TMCC2: variants seen among roughly 807,000 people sequenced by gnomAD.
The protein encoded by TMCC2 is transmembrane and coiled-coil domains protein 2.
A neutral mutation model predicts 49.4 loss-of-function variants in TMCC2; 16 were observed. The observed-to-expected ratio is 0.32, with a 90% CI of 0.22 to 0.49. The LOEUF (loss-of-function observed/expected upper bound fraction) is 0.49, where lower values mean the gene tolerates loss of function less well. TMCC2 is among the 20% of genes least tolerant of loss of function. The probability of loss-of-function intolerance (pLI) is 0.99; values close to 1 mark genes in which losing one functional copy is unlikely to be tolerated. For missense variants in TMCC2, 762 were observed against 989.8 expected (o/e 0.77, Z 3.09); for synonymous variants, 397 against 434.1 (o/e 0.91, Z 1.06).
intron 1 of TMCC2, among the ~76,000 whole-genome samples, chr1:205,240,196 T>C (rs186531771): frequency 3.3e-5 from 5 of 152,346 alleles, no homozygotes; most frequent in Admixed American, 1.3e-4. Context: ...AAAGCTCTCA[T>C]AGAGGGCTCA....
intron 1 of TMCC2, chr1:205,229,033 T>C (rs1485526836): frequency 1.7e-5 from 23 of 1,335,728 alleles, no homozygotes; most frequent in Non-Finnish European, 1.9e-5. Context: ...ATTGTTTGAA[T>C]AATGTGTGAA....
At position 205,271,101 on chromosome 1, in the gene TMCC2, C is replaced by T; in HGVS notation, c.1683-19C>T. On this transcript the variant is annotated intron_variant, in intron 3 of 4. Coordinates refer to ENST00000358024, the MANE Select transcript of TMCC2 (RefSeq NM_014858.4). The stretch of plus-strand genomic sequence containing the variant: ...GCTCGGGGAGCCAGGACTGGTGTCA[C>T]TCTCTCTCCCTCCGCCAGGTACGAG... 1 of 1,611,440 alleles carries T rather than the reference C, an allele frequency of 6.2e-7. No individual in the cohort carries two copies. The highest frequency in any genetic ancestry group is 8.5e-7 in the Non-Finnish European group (1 of 1,179,596).
chr1:205,256,217 CAT>C, intron 2 of TMCC2: 2 of 1,489,206 alleles, frequency 1.3e-6, no homozygotes, highest in Non-Finnish European at 1.8e-6. Context: ...GTGCAGAATC[CAT>C]GTCTTTCTGA....
chr1:205,242,823 C>A lies in TMCC2; in HGVS notation c.747+779C>A, dbSNP rs533083009. ...AGACCTGTTTGAGGAAACCATTGAG[C>A]TGAATCTTGAATAATTTAGCCAGGG... On this transcript the variant is annotated intron_variant, in intron 2 of 4. Transcript: ENST00000358024. Among the ~76,000 whole-genome samples, 65 of 152,078 alleles carry A rather than the reference C, an allele frequency of 4.3e-4. 1 individual carries two copies. Among genetic ancestry groups the A allele is most frequent in the Admixed American group, 5.9e-4 (9 of 15,276 alleles).
chr1:205,248,161 C>T (rs2102559975), intron 2 of TMCC2, among the ~76,000 whole-genome samples: 1 of 152,290 alleles, frequency 6.6e-6, no homozygotes, highest in South Asian at 2.1e-4. Context: ...AATCCTAGCA[C>T]TTTGGGAGGC....
chr1:205,249,850 TG>T (rs1660598084), intron 2 of TMCC2, among the ~76,000 whole-genome samples: 1 of 152,268 alleles, frequency 6.6e-6, no homozygotes, highest in Non-Finnish European at 1.5e-5. Context: ...GTGCCTGTGC[TG>T]CCAGTGGCTC....
intron 1 of TMCC2, among the ~76,000 whole-genome samples, chr1:205,240,207 A>G (rs1479419488): frequency 6.6e-6 from 1 of 152,216 alleles, no homozygotes; most frequent in Non-Finnish European, 1.5e-5. Context: ...AGAGGGCTCA[A>G]CCTGGCCGGA....
In TMCC2 at chr1:205,271,819, G is replaced by C. The variant is rs150581410; in HGVS notation, c.1825G>C (p.Val609Leu). The change falls in exon 5 of 5, where the codon GTG becomes CTG. Residue 609 changes from valine (V) to leucine (L), a missense_variant. Physicochemically the swap from Val to Leu is conservative, Grantham distance 32. Around this residue, in one of 2 missense-constraint regions of TMCC2, gnomAD observed 440 missense variants for 636.7 expected, o/e 0.69. Transcript: ENST00000358024. ...YERARDIQEA[V>L]ESCLTRVTKL... ...AGCCCCTCTGCCCCTGCAGGAGGCC[G>C]TGGAGTCCTGCCTGACCCGGGTCAC... 71 of 1,609,950 alleles carry C rather than the reference G, an allele frequency of 4.4e-5. No individual in the cohort carries two copies. Among genetic ancestry groups the C allele is most frequent in the Non-Finnish European group, 5.8e-5 (69 of 1,179,570 alleles).
chr1:205,231,990 G>A (rs907948615), intron 1 of TMCC2, among the ~76,000 whole-genome samples: 1 of 152,170 alleles, frequency 6.6e-6, no homozygotes, highest in Non-Finnish European at 1.5e-5. Context: ...CTCCGTAGAG[G>A]TTGGGGCGGT....
intron 2 of TMCC2, among the ~76,000 whole-genome samples, chr1:205,263,706 CA>C (rs1661209580): frequency 6.6e-6 from 1 of 151,810 alleles, no homozygotes; most frequent in African/African-American, 2.4e-5. Flanking sequence ...TCTGACTCAA[CA>C]AAAAACAAAA....
intron 2 of TMCC2, among the ~76,000 whole-genome samples, chr1:205,251,966 G>A (rs370961755): frequency 1.3e-5 from 2 of 152,190 alleles, no homozygotes; most frequent in East Asian, 3.8e-4. Context: ...GGCAAATAGG[G>A]TGGGGTAGAG....
rs1241476015 is a variant in TMCC2 at position 205,229,545 on chromosome 1, C to CGGGG, written c.207+784_207+787dup. 114 of 298,716 alleles carry CGGGG rather than the reference C, an allele frequency of 3.8e-4. No individual in the cohort carries two copies. The African/African-American group carries it at 5.3e-3, about 14-fold the overall frequency. The allele number at this position is 298,716 out of a possible 1,614,324, so 18.5% of individuals were successfully genotyped here. On this transcript the variant is annotated intron_variant, in intron 1 of 4. Transcript: ENST00000358024. Reference sequence around the variant, plus strand: ...CTCAGTTTGCCGATCTGTGAAGGGGCGGGGGGGGGGGGGTGGTGGCGGGGG... The same window carrying CGGGG: ...CTCAGTTTGCCGATCTGTGAAGGGGCGGGGGGGGGGGGGGGGGTGGTGGCGGGGG...
rs993316258 is a variant in TMCC2 at position 205,228,403 on chromosome 1, C to A, written c.-162C>A. ...CCCCTTCTCGCCCCTCCCTCACCCG[C>A]CTTTAAGAATTTTTTTTTTAATTCA... On this transcript the variant is annotated 5_prime_UTR_variant, in exon 1 of 5. Coordinates refer to ENST00000358024, the MANE Select transcript of TMCC2 (RefSeq NM_014858.4). 10 of 600,640 alleles carry A rather than the reference C, an allele frequency of 1.7e-5. No individual in the cohort carries two copies. The highest frequency in any genetic ancestry group is 2.8e-5 in the Non-Finnish European group (10 of 351,634). 37.2% of individuals were successfully genotyped at this position (600,640 alleles called of 1,614,324 possible). A position where few individuals can be genotyped will look rare whatever the true frequency, so the allele number is the denominator to read the frequency against.
intron 2 of TMCC2, among the ~76,000 whole-genome samples, chr1:205,258,603 C>A (rs1352493630): frequency 6.6e-6 from 1 of 152,172 alleles, no homozygotes; most frequent in African/African-American, 2.4e-5. Context: ...ATATCCTCAC[C>A]AGGAAGGCAG....
At chr1:205,256,454 G>A (rs771816529) in intron 2 of TMCC2, 5 of 1,545,016 alleles carry the variant, frequency 3.2e-6, no homozygotes, top group Non-Finnish European at 3.5e-6. Context: ...GGGTGTTTTT[G>A]CCAGGGCAAT....
At chr1:205,257,719 A>G (rs928655257) in intron 2 of TMCC2, among the ~76,000 whole-genome samples, 4 of 152,182 alleles carry the variant, frequency 2.6e-5, no homozygotes, top group Non-Finnish European at 4.4e-5. Flanking sequence ...GTCTGTGAAG[A>G]AACAGTGACA....
chr1:205,265,584 C>T (rs1333596510), intron 2 of TMCC2, among the ~76,000 whole-genome samples: 1 of 144,874 alleles, frequency 6.9e-6, no homozygotes, highest in Admixed American at 7.0e-5. Context: ...TTTTTTGAGA[C>T]GGAGTCTCGC....
chr1:205,266,269 A>C (rs1661326521), intron 2 of TMCC2, among the ~76,000 whole-genome samples: 1 of 146,320 alleles, frequency 6.8e-6, no homozygotes, highest in African/African-American at 2.5e-5. Flanking sequence ...AAAGTTCTGT[A>C]ACATCAAAGG....
chr1:205,256,078 C>A, intron 2 of TMCC2: 1 of 684,636 alleles, frequency 1.5e-6, no homozygotes, highest in Non-Finnish European at 2.2e-6. Context: ...CAAGCCCTGG[C>A]ACTGGCTCCC....
Sources: allele counts gnomAD v4.1 joint callset (sites outside exome capture counted in the v4.1 genomes callset), GRCh38; gene constraint gnomAD v4.1.1; regional missense constraint gnomAD v4.1.1; transcripts MANE v1.5; gene names NCBI Gene and HGNC (gene_info 2026-07-23, HGNC 2026-07-21).